Variants in TRO observed in about 807,000 individuals in gnomAD.
TRO encodes trophinin.
TRO carries 29 observed loss-of-function variants against 42.3 expected under a neutral mutation model. The observed-to-expected ratio is 0.68, with a 90% confidence interval of 0.51 to 0.93. The LOEUF is 0.93. Ranked by LOEUF, TRO falls within the 40% of genes least tolerant of loss-of-function variation. TRO has a pLI of 0.00. For synonymous variants in TRO, 384 were observed against 425.2 expected, an observed-to-expected ratio of 0.90 and a Z score of 1.19; for missense variants, 963 against 1,127.7, an observed-to-expected ratio of 0.85 and a Z score of 2.09.
In TRO at chrX:54,924,519, T is replaced by C. The variant is rs761502914; in HGVS notation, c.1305T>C (p.Pro435=). The change falls in exon 4 of 13, where the codon CCT becomes CCC. Residue 435 remains proline, a synonymous_variant. Coordinates refer to ENST00000173898, the MANE Select transcript of TRO (RefSeq NM_001039705.3). ...GGCGGATCCCATGGGGCCGGAGGCC[T>C]GCACCACCGCGAGATGTGGCCATTT... ...NYRRIPWGRR[P]APPRDVAILQ... The C allele has an allele frequency of 5.0e-6, 6 of 1,208,389 alleles. No individual in the cohort carries two copies. The highest frequency in any genetic ancestry group is 6.7e-6 in the Non-Finnish European group (6 of 894,363).
rs769193458 is a variant in TRO, at chrX:54,930,893, C to T, written c.4169C>T (p.Pro1390Leu). 26 of 1,205,684 alleles carry T rather than the reference C, an allele frequency of 2.2e-5. No homozygotes were observed. The South Asian group carries it at 2.3e-4, about 11-fold the overall frequency. The change falls in exon 12 of 13, where the codon CCG becomes CTG. Residue 1390 changes from proline (P) to leucine (L), a missense_variant. Physicochemically the swap from Pro to Leu is moderately conservative, Grantham distance 98. Transcript: ENST00000173898. ...AGCACCAGTGGCTTCAGCGGTGGAC[C>T]GAGCACAGGAGCTGGCTTCGGCGGT... ...GPSTSGFSGG[P>L]STGAGFGGGP...
In TRO at chrX:54,929,545, G is replaced by A; in HGVS notation, c.2821G>A (p.Gly941Ser). 1 of 1,211,852 alleles carries A rather than the reference G, an allele frequency of 8.3e-7. No individual in the cohort carries two copies. Among genetic ancestry groups the A allele is most frequent in the South Asian group, 1.8e-5 (1 of 56,980 alleles). ...ACTTAGCACCAGTGTCTCCTTTGGTGGCTCTTCCAGCACCAGTGCCAATTT... is the reference window on the plus strand; with the variant it reads ...ACTTAGCACCAGTGTCTCCTTTGGTAGCTCTTCCAGCACCAGTGCCAATTT... Reference protein sequence around the residue: ...GTLSTSVSFGGSSSTSANFGG... With the variant: ...GTLSTSVSFGSSSSTSANFGG... Residue 941 changes from glycine (G) to serine (S), a missense_variant, in exon 12 of 13, where the codon GGC becomes AGC. Gly to Ser is a moderately conservative substitution (Grantham distance 56). Coordinates refer to ENST00000173898, the MANE Select transcript of TRO (RefSeq NM_001039705.3).
chrX:54,931,030 A>G lies in TRO; in HGVS notation c.*10A>G, dbSNP rs376185770. 2.6e-6 allele frequency: 3 copies of G among 1,175,085 alleles called. No individual in the cohort carries two copies. The highest frequency in any genetic ancestry group is 3.4e-6 in the Non-Finnish European group (3 of 875,832). ...CTTCTCGTATGGCTAGTGAGGTTTC[A>G]GGTAACTGCAATATTTCCATAGCCA... On this transcript the variant is annotated splice_region_variant and 3_prime_UTR_variant, in exon 12 of 13. Coordinates refer to ENST00000173898, the MANE Select transcript of TRO (RefSeq NM_001039705.3).
In TRO at chrX:54,926,425, C is replaced by A. The variant is rs772269341; in HGVS notation, c.1593C>A (p.Pro531=). 1.7e-6 allele frequency: 2 copies of A among 1,211,869 alleles called. No individual in the cohort carries two copies. Among genetic ancestry groups the A allele is most frequent in the East Asian group, 5.9e-5 (2 of 33,853 alleles). ...AGILGTTKDT[P]KLGLLMVILS... The stretch of plus-strand genomic sequence containing the variant: ...ATTCCCTTAGGACCAAGGACACACC[C>A]AAGCTGGGTCTCCTCATGGTGATTC... The change falls in exon 8 of 13, where the codon CCC becomes CCA. Residue 531 remains proline, a synonymous_variant. Coordinates refer to ENST00000173898, the MANE Select transcript of TRO (RefSeq NM_001039705.3).
At position 54,923,171 on chromosome X, in the gene TRO, T is replaced by G. The variant is rs1238477202; in HGVS notation, c.639T>G (p.Asn213Lys). ...KKASKAKKAA[N>K]KAIASATEVS... Reference sequence around the variant, plus strand: ...CTTCCAAGGCTAAGAAGGCTGCAAATAAGGCCATAGCTAGTGCCACCGAGG... The same window carrying G: ...CTTCCAAGGCTAAGAAGGCTGCAAAGAAGGCCATAGCTAGTGCCACCGAGG... Residue 213 changes from asparagine (N) to lysine (K), a missense_variant, in exon 3 of 13, where the codon AAT becomes AAG. Transcript: ENST00000173898. The G allele has an allele frequency of 8.3e-7, 1 of 1,211,124 alleles. No individual in the cohort carries two copies. The highest frequency in any genetic ancestry group is 3.0e-5 in the East Asian group (1 of 33,819).
intron 3 of TRO, 88 bp from the exon 4 acceptor site, chrX:54,924,363 A>G: frequency 2.3e-6 from 2 of 883,897 alleles, no homozygotes; most frequent in Non-Finnish European, 3.1e-6. Context: ...GGTTAGAGGG[A>G]CTTTCTGTCT....
rs1336033848 is a variant in TRO at position 54,922,252 on chromosome X, T to C, written c.6T>C (p.Asp2=). The C allele has an allele frequency of 3.3e-6, 4 of 1,207,379 alleles. No individual in the cohort carries two copies. Among genetic ancestry groups the C allele is most frequent in the African/African-American group, 1.8e-5 (1 of 56,977 alleles). Residue 2 remains aspartate (D), a synonymous_variant, in exon 2 of 13, where the codon GAT becomes GAC. Coordinates refer to ENST00000173898, the MANE Select transcript of TRO (RefSeq NM_001039705.3). ...TTACTCGGCCTCCCAGAAAGATGGA[T>C]AGGAGAAATGACTACGGATATAGGG... is the stretch of plus-strand genomic sequence containing the variant. The part of the protein sequence containing the change: M[D]RRNDYGYRVP...
chrX:54,921,111 C>G, intron 1 of TRO: 1 of 110,622 alleles, frequency 9.0e-6, no homozygotes, highest in South Asian at 3.9e-4. Flanking sequence ...CGGTTCGGGC[C>G]GTGAAAGGGA....
At chrX:54,921,570 C>G (rs1932052027) in intron 1 of TRO, 1 of 104,879 alleles carries the variant, frequency 9.5e-6, no homozygotes, top group South Asian at 4.5e-4. Context: ...AGAGACGTAC[C>G]GCAGAGCGGA....
rs200755166 is a variant in TRO, at chrX:54,930,069, C to T, written c.3345C>T (p.Thr1115=). The T allele has an allele frequency of 1.9e-3, 2,295 of 1,206,207 alleles. 5 individuals are homozygous for T. Among genetic ancestry groups the T allele is most frequent in the Admixed American group, 4.2e-3 (193 of 45,740 alleles). ...TSAGFGGALS[T]AADFGGTPSN... ...CTGGCTTCGGTGGGGCACTTAGTAC[C>T]GCTGCTGACTTCGGTGGTACTCCCA... Residue 1115 remains threonine, a synonymous_variant, in exon 12 of 13, where the codon ACC becomes ACT. Transcript: ENST00000173898.
At position 54,929,017 on chromosome X, in the gene TRO, A is replaced by T. The variant is rs1440105056; in HGVS notation, c.2293A>T (p.Thr765Ser). 8.3e-7 allele frequency: 1 copy of T among 1,211,067 alleles called. No homozygotes were observed. Among genetic ancestry groups the T allele is most frequent in the Admixed American group, 2.2e-5 (1 of 45,906 alleles). The change falls in exon 12 of 13, where the codon ACC (threonine) becomes TCC (serine). Residue 765 changes from threonine (T) to serine (S), a missense_variant. Physicochemically the swap from Thr to Ser is moderately conservative, Grantham distance 58. Transcript: ENST00000173898. Reference sequence around the variant, plus strand: ...CATTACCTTTGGTGTTGCACCCAGCACCAGTGCCAGCTTCAGCAATACAGC... The same window carrying T: ...CATTACCTTTGGTGTTGCACCCAGCTCCAGTGCCAGCTTCAGCAATACAGC... ...PGITFGVAPSTSASFSNTASI... is the reference protein window; with the variant it reads ...PGITFGVAPSSSASFSNTASI...
Position 54,923,600 on chromosome X carries a change from G to A in TRO, c.1068G>A (p.Gln356=), listed in dbSNP as rs1477014342. The A allele has an allele frequency of 8.3e-7, 1 of 1,203,580 alleles. No individual in the cohort carries two copies. Among genetic ancestry groups the A allele is most frequent in the Non-Finnish European group, 1.1e-6 (1 of 891,312 alleles). ...CTAAGGCTCGGGCAACTGAAAGCCA[G>A]ACTCCAAATGCTGACCAAGGGGCCC... ...AATKARATES[Q]TPNADQGAQA... Residue 356 remains glutamine, a synonymous_variant, in exon 3 of 13, where the codon CAG becomes CAA. Transcript: ENST00000173898.
chrX:54,922,443 G>T, intron 2 of TRO, 135 bp from the exon 3 acceptor site: 1 of 902,908 alleles, frequency 1.1e-6, no homozygotes, highest in Non-Finnish European at 1.5e-6. Flanking sequence ...AGGAAAACCT[G>T]CCTGACTCTA....
Position 54,929,363 on chromosome X carries a change from G to T in TRO, c.2639G>T (p.Ser880Ile). 1.6e-5 allele frequency: 20 copies of T among 1,212,273 alleles called. No individual in the cohort carries two copies. Among genetic ancestry groups the T allele is most frequent in the Non-Finnish European group, 2.2e-5 (20 of 895,624 alleles). Reference protein sequence around the residue: ...GSAPTTSTVFSSALSTSTGFG... With the variant: ...GSAPTTSTVFISALSTSTGFG... ...GCACCCACAACGAGCACAGTCTTCA[G>T]TAGTGCGCTTAGCACCAGCACTGGC... The change falls in exon 12 of 13, where the codon AGT becomes ATT. Residue 880 changes from serine (S) to isoleucine (I), a missense_variant. Ser to Ile is a moderately radical substitution (Grantham distance 142). Around this residue, in one of 2 missense-constraint regions of TRO, gnomAD observed 641 missense variants for 811.3 expected, o/e 0.79. Transcript: ENST00000173898.
chrX:54,922,086 A>C, intron 1 of TRO, 117 bp from the exon 2 acceptor site: 1 of 507,904 alleles, frequency 2.0e-6, no homozygotes, highest in Non-Finnish European at 3.1e-6. Context: ...TGGGTTTTTT[A>C]GGTATGAAAA....
Position 54,930,318 on chromosome X carries a change from C to A in TRO, c.3594C>A (p.Ser1198Arg). Reference protein sequence around the residue: ...CDGPSTSTGFSFGNGLSTNAG... With the variant: ...CDGPSTSTGFRFGNGLSTNAG... ...GACCCAGCACCAGTACCGGTTTCAG[C>A]TTTGGCAATGGGTTAAGCACCAATG... Residue 1198 changes from serine to arginine, a missense_variant, in exon 12 of 13, where the codon AGC (serine) becomes AGA (arginine). Transcript: ENST00000173898. 1 of 1,212,024 alleles carries A rather than the reference C, an allele frequency of 8.3e-7. No individual in the cohort carries two copies. The highest frequency in any genetic ancestry group is 1.1e-6 in the Non-Finnish European group (1 of 895,518).
rs751907381 is a variant in TRO, at chrX:54,930,241, C to T, written c.3517C>T (p.Pro1173Ser). ...SNTNLCFGGP[P>S]STSACFSGAT... ...TACTAACCTATGCTTTGGTGGCCCTCCTAGCACCAGTGCCTGCTTTAGTGG... is the reference window on the plus strand; with the variant it reads ...TACTAACCTATGCTTTGGTGGCCCTTCTAGCACCAGTGCCTGCTTTAGTGG... The change falls in exon 12 of 13, where the codon CCT (proline) becomes TCT (serine). Residue 1173 changes from proline to serine, a missense_variant. By Grantham distance (74) the Pro-to-Ser change is moderately conservative. Transcript: ENST00000173898. 4 of 1,211,968 alleles carry T rather than the reference C, an allele frequency of 3.3e-6. No individual in the cohort carries two copies. Among genetic ancestry groups the T allele is most frequent in the Non-Finnish European group, 4.5e-6 (4 of 895,476 alleles).
At chrX:54,924,010 T>C (rs1175001403) in intron 3 of TRO, 1 of 396,110 alleles carries the variant, frequency 2.5e-6, no homozygotes, top group Non-Finnish European at 4.3e-6. Flanking sequence ...TGTATTTAAA[T>C]AGTAGTTACC....
Position 54,930,537 on chromosome X carries a change from C to T in TRO, c.3813C>T (p.Gly1271=), listed in dbSNP as rs368748764. ...GGLGTSAGFS[G]GLGTSAGFGG... is the part of the protein sequence containing the mutation. ...TGGGCACCAGTGCTGGCTTCAGTGG[C>T]GGACTGGGCACCAGTGCTGGCTTTG... The change falls in exon 12 of 13, where the codon GGC becomes GGT. Residue 1271 remains glycine, a synonymous_variant. Coordinates refer to ENST00000173898, the MANE Select transcript of TRO (RefSeq NM_001039705.3). The T allele has an allele frequency of 2.6e-5, 31 of 1,202,312 alleles. No homozygotes were observed. The highest frequency in any genetic ancestry group is 1.1e-4 in the African/African-American group (6 of 54,875).
Sources: gnomAD v4.1 joint callset for allele counts on GRCh38, gnomAD v4.1.1 for gene constraint, gnomAD v4.1.1 regional missense constraint, MANE v1.5 for transcripts, NCBI Gene and HGNC (gene_info 2026-07-23, HGNC 2026-07-21) for gene names.